Variants in ACTR6 observed in about 807,000 individuals in gnomAD.
The protein encoded by ACTR6 is actin related protein 6.
ACTR6 carries 50 observed loss-of-function variants against 52.5 expected under a neutral mutation model. The ratio of observed to expected loss-of-function variants is 0.95; its 90% confidence interval spans 0.76 to 1.20. The LOEUF (loss-of-function observed/expected upper bound fraction) is 1.20. Among genes scored for constraint, ACTR6 ranks in the 50% most tolerant of loss-of-function variants. The pLI is 0.00. For missense variants in ACTR6, 344 were observed against 472.4 expected (o/e 0.73, Z 2.52); for synonymous variants, 135 against 147.2 (o/e 0.92, Z 0.60).
intron 4 of ACTR6, chr12:100,208,939 G>T (rs1219554469): frequency 2.8e-6 from 1 of 356,940 alleles, no homozygotes; most frequent in South Asian, 2.1e-5. Flanking sequence ...TAGAGACAGG[G>T]TCTCATTTTG....
chr12:100,211,678 G>A (rs2096120006), intron 6 of ACTR6, among the ~76,000 whole-genome samples: 1 of 151,988 alleles, frequency 6.6e-6, no homozygotes, highest in Non-Finnish European at 1.5e-5. Flanking sequence ...ATACTGGGAT[G>A]GCCACACCCA....
At chr12:100,211,106 G>GCCT (rs1178278255) in intron 6 of ACTR6, among the ~76,000 whole-genome samples, 2 of 152,080 alleles carry the variant, frequency 1.3e-5, no homozygotes, top group Non-Finnish European at 2.9e-5. Context: ...TCCCATTTCA[G>GCCT]CCTCCCTTAG....
chr12:100,212,453 G>A lies in ACTR6; in HGVS notation c.675G>A (p.Leu225=), dbSNP rs372894060. Residue 225 remains leucine (L), a synonymous_variant, in exon 8 of 11, where the codon TTG becomes TTA. Transcript: ENST00000188312. ...DFYRDMDIAK[L]KGEENTVMID... ...AAATCTCAATTTTGTTTTCCAGGTT[G>A]AAAGGAGAAGAAAATACAGTAATGA... is the stretch of plus-strand genomic sequence containing the variant. The A allele has an allele frequency of 4.4e-5, 71 of 1,613,296 alleles. No homozygotes were observed. Among genetic ancestry groups the A allele is most frequent in the Non-Finnish European group, 5.9e-5 (70 of 1,179,490 alleles).
rs760542859 is a variant in ACTR6, at chr12:100,218,470, G to A, written c.806G>A (p.Arg269His). ...TACAAATCTGGGGAACAAATTCTTC[G>A]TTTGGCCAATGAGAGATTTGCTGTT... is the stretch of plus-strand genomic sequence containing the variant. ...GKYKSGEQIL[R>H]LANERFAVPE... The change falls in exon 9 of 11, where the codon CGT (arginine) becomes CAT (histidine). Residue 269 changes from arginine (R) to histidine (H), a missense_variant. Arg to His is a conservative substitution (Grantham distance 29). Coordinates refer to ENST00000188312, the MANE Select transcript of ACTR6 (RefSeq NM_022496.5). The surrounding 1 kb of genome is among the most constrained non-coding windows in gnomAD (Gnocchi z 4.2). 4.3e-6 allele frequency: 7 copies of A among 1,609,520 alleles called. No individual in the cohort carries two copies. Among genetic ancestry groups the A allele is most frequent in the Non-Finnish European group, 5.9e-6 (7 of 1,178,124 alleles).
At chr12:100,220,901 C>T (rs1283705929) in intron 10 of ACTR6, among the ~76,000 whole-genome samples, 1 of 151,534 alleles carries the variant, frequency 6.6e-6, no homozygotes, top group African/African-American at 2.4e-5. Flanking sequence ...GTAGGAGGAT[C>T]ATTTGAGCCC....
At chr12:100,219,913 GCTT>G (rs2096126759) in intron 9 of ACTR6, 92 bp from the exon 10 acceptor site, 2 of 1,309,040 alleles carry the variant, frequency 1.5e-6, no homozygotes, top group South Asian at 2.8e-5. Flanking sequence ...ATCCCTAATT[GCTT>G]CTTATCTGAT....
chr12:100,216,488 T>C (rs529961445), intron 8 of ACTR6, among the ~76,000 whole-genome samples: 1 of 152,248 alleles, frequency 6.6e-6, no homozygotes, highest in Non-Finnish European at 1.5e-5. Flanking sequence ...TAATGGTTAA[T>C]GGCTTTAGTG....
intron 8 of ACTR6, among the ~76,000 whole-genome samples, chr12:100,216,212 G>A (rs2096123779): frequency 6.6e-6 from 1 of 152,234 alleles, no homozygotes; most frequent in Non-Finnish European, 1.5e-5. Context: ...CTGGAGCACA[G>A]CGGTGTGATC....
intron 6 of ACTR6, among the ~76,000 whole-genome samples, chr12:100,210,941 T>C (rs1454406723): frequency 6.6e-6 from 1 of 152,190 alleles, no homozygotes; most frequent in African/African-American, 2.4e-5. Context: ...CAACTACTAA[T>C]TGGCTTTCCA....
chr12:100,209,535 A>G (rs538153408), intron 4 of ACTR6, among the ~76,000 whole-genome samples: 1 of 152,216 alleles, frequency 6.6e-6, no homozygotes, highest in African/African-American at 2.4e-5. Flanking sequence ...GCTGTTAAAC[A>G]TCCTACAACG....
At chr12:100,222,257 G>GTTTTTTTTTTTTTTTTTTTTTTTTT (rs35143045) in intron 10 of ACTR6, among the ~76,000 whole-genome samples, 1 of 123,456 alleles carries the variant, frequency 8.1e-6, no homozygotes. Context: ...CTGGCTTTGG[G>GTTTTTTTTTTTTTTTTTTTTTTTTT]TTTTTTTTTT....
intron 8 of ACTR6, among the ~76,000 whole-genome samples, chr12:100,214,820 G>A (rs1459101141): frequency 6.6e-6 from 1 of 152,192 alleles, no homozygotes; most frequent in African/African-American, 2.4e-5. Context: ...TGGGAATTGA[G>A]ATAGATGATG....
In ACTR6 at chr12:100,220,048, A is replaced by G; in HGVS notation, c.963A>G (p.Gly321=). 6.2e-7 allele frequency: 1 copy of G among 1,613,964 alleles called. No homozygotes were observed. Among genetic ancestry groups the G allele is most frequent in the Non-Finnish European group, 8.5e-7 (1 of 1,179,944 alleles). ...PHFFKNIVLT[G]GNSLFPGFRD... is the part of the protein sequence containing the mutation. ...TTTTTAAGAACATTGTCTTGACAGGAGGAAATTCCCTTTTCCCAGGATTTA... is the reference window on the plus strand; with the variant it reads ...TTTTTAAGAACATTGTCTTGACAGGGGGAAATTCCCTTTTCCCAGGATTTA... Residue 321 remains glycine (G), a synonymous_variant, in exon 10 of 11, where the codon GGA becomes GGG. Coordinates refer to ENST00000188312, the MANE Select transcript of ACTR6 (RefSeq NM_022496.5).
In ACTR6 at chr12:100,209,964, G is replaced by T. The variant is rs2096118477; in HGVS notation, c.380-109G>T. 4.9e-5 allele frequency: 43 copies of T among 886,120 alleles called. No homozygotes were observed. The South Asian group carries it at 8.0e-4, about 17-fold the overall frequency. The allele number at this position is 886,120 out of a possible 1,614,324, so 54.9% of individuals were successfully genotyped here. A position where few individuals can be genotyped will look rare whatever the true frequency, so the allele number is the denominator to read the frequency against. On this transcript the variant is annotated intron_variant, in intron 4 of 10. Transcript: ENST00000188312. ...AGTATTATAAATTAACATTTTTCTT[G>T]TAATAAAGGGAACATTTTTGTCTTG...
intron 10 of ACTR6, among the ~76,000 whole-genome samples, chr12:100,220,879 C>T (rs545189105): frequency 5.8e-4 from 88 of 152,032 alleles, no homozygotes; most frequent in Middle Eastern, 3.4e-3. Flanking sequence ...CCCAGCTACT[C>T]AGGAGGCTGA....
intron 1 of ACTR6, among the ~76,000 whole-genome samples, chr12:100,202,425 C>T: frequency 6.6e-6 from 1 of 151,872 alleles, no homozygotes; most frequent in East Asian, 1.9e-4. Flanking sequence ...CTTCAAAGAA[C>T]ATTTAAACAT....
chr12:100,210,214 T>C lies in ACTR6; in HGVS notation c.515+6T>C. 1 of 1,602,218 alleles carries C rather than the reference T, an allele frequency of 6.2e-7. No individual in the cohort carries two copies. The highest frequency in any genetic ancestry group is 8.5e-7 in the Non-Finnish European group (1 of 1,172,488). On this transcript the variant is annotated splice_donor_region_variant and intron_variant, in intron 5 of 10. Transcript: ENST00000188312. ...AAAAAAGAAGCAATTATTCGGTGAG[T>C]TGTATTTAATTTTCATGTTGTTTCT...
intron 3 of ACTR6, among the ~76,000 whole-genome samples, chr12:100,206,563 GC>G (rs1275059781): frequency 3.9e-5 from 6 of 151,928 alleles, no homozygotes; most frequent in African/African-American, 1.4e-4. Flanking sequence ...TCACCATGTT[GC>G]CCAGGCTGAT....
intron 1 of ACTR6, among the ~76,000 whole-genome samples, chr12:100,201,687 G>A (rs1280984447): frequency 6.6e-6 from 1 of 152,200 alleles, no homozygotes; most frequent in Non-Finnish European, 1.5e-5. Context: ...CTGGAGTGCC[G>A]TGGTGCGATC....
Sources: gnomAD v4.1 joint callset for allele counts (sites outside exome capture counted in the v4.1 genomes callset) on GRCh38, gnomAD v4.1.1 for gene constraint, Gnocchi (gnomAD v3.1) non-coding constraint, MANE v1.5 for transcripts, NCBI Gene and HGNC (gene_info 2026-07-23, HGNC 2026-07-21) for gene names.